The following PAG1 variants were observed in gnomAD, a reference collection of about 807,000 sequenced individuals.
The protein encoded by PAG1 is phosphoprotein membrane anchor with glycosphingolipid microdomains 1.
Under a neutral mutation model 31.7 loss-of-function variants are expected in PAG1, and 23 were observed. That is an observed-to-expected ratio of 0.73 (90% CI 0.52 to 1.03). PAG1 has a LOEUF of 1.03. Among genes scored for constraint, PAG1 ranks in the 50% least tolerant of loss-of-function variants. The probability of loss-of-function intolerance (pLI) is 0.00; values close to 1 mark genes in which losing one functional copy is unlikely to be tolerated. For missense variants in PAG1, 473 were observed against 540.7 expected (o/e 0.87, Z 1.24); for synonymous variants, 214 against 210.3 (o/e 1.02, Z -0.15).
At chr8:81,061,890 C>T (rs1054090523) in intron 2 of PAG1, among the ~76,000 whole-genome samples, 1 of 152,004 alleles carries the variant, frequency 6.6e-6, no homozygotes, top group Non-Finnish European at 1.5e-5. Context: ...TGCTTTCAAC[C>T]TATAAAAGCC....
intron 1 of PAG1, among the ~76,000 whole-genome samples, chr8:81,094,448 A>C (rs1809494698): frequency 6.6e-6 from 1 of 152,194 alleles, no homozygotes; most frequent in Non-Finnish European, 1.5e-5. Context: ...GCCACTTAAG[A>C]AATAAATGAT....
chr8:81,066,176 G>C (rs1809003507), intron 2 of PAG1, among the ~76,000 whole-genome samples: 1 of 152,210 alleles, frequency 6.6e-6, no homozygotes, highest in Non-Finnish European at 1.5e-5. Context: ...CCAGCCTGCT[G>C]TTCCAATAAC....
intron 2 of PAG1, among the ~76,000 whole-genome samples, chr8:81,035,501 G>A (rs1171918716): frequency 6.6e-6 from 1 of 152,202 alleles, no homozygotes; most frequent in Non-Finnish European, 1.5e-5. Context: ...AGATACTACT[G>A]TGGGCGAGGC....
chr8:81,047,528 T>C (rs1008832577), intron 2 of PAG1, among the ~76,000 whole-genome samples: 1 of 152,200 alleles, frequency 6.6e-6, no homozygotes, highest in Non-Finnish European at 1.5e-5. Flanking sequence ...ATGTATACAA[T>C]AATCACTTAA....
chr8:81,009,662 GAGT>G (rs1386658907), intron 3 of PAG1, among the ~76,000 whole-genome samples: 1 of 152,140 alleles, frequency 6.6e-6, no homozygotes, highest in Non-Finnish European at 1.5e-5. Flanking sequence ...ACCCTTGCTG[GAGT>G]ACAGTGGTGT....
intron 1 of PAG1, among the ~76,000 whole-genome samples, chr8:81,104,683 G>A (rs1398451899): frequency 2.6e-5 from 4 of 152,016 alleles, no homozygotes; most frequent in Non-Finnish European, 1.5e-5. Context: ...AGACACCTGG[G>A]AGTCATCCTT....
chr8:80,969,007 T>G lies in PAG1; in HGVS notation c.*7537A>C, dbSNP rs1807021812. Reference sequence around the variant, plus strand: ...TACTCGAAGCAAATAAAAAGATAATTTTTAAAAAGTGTCAAGGTCGCAAGC... The same window carrying G: ...TACTCGAAGCAAATAAAAAGATAATGTTTAAAAAGTGTCAAGGTCGCAAGC... On this transcript the variant is annotated 3_prime_UTR_variant, in exon 9 of 9. Coordinates refer to ENST00000220597, the MANE Select transcript of PAG1 (RefSeq NM_018440.4). The G allele has an allele frequency of 6.6e-6, 1 of 152,128 alleles. No homozygotes were observed. Among genetic ancestry groups the G allele is most frequent in the Non-Finnish European group, 1.5e-5 (1 of 68,042 alleles). 9.4% of individuals were successfully genotyped at this position (152,128 alleles called of 1,614,324 possible). A position where few individuals can be genotyped will look rare whatever the true frequency, so the allele number is the denominator to read the frequency against.
At chr8:81,101,263 C>T (rs9987382) in intron 1 of PAG1, among the ~76,000 whole-genome samples, 13,536 of 152,118 alleles carry the variant, frequency 0.089, 1,096 homozygotes, top group African/African-American at 0.22. Flanking sequence ...AATTCTACCT[C>T]GGACATACTG....
intron 3 of PAG1, among the ~76,000 whole-genome samples, chr8:81,003,840 C>T (rs1586158723): frequency 6.6e-6 from 1 of 152,170 alleles, no homozygotes; most frequent in Non-Finnish European, 1.5e-5. Context: ...AGTTTCAACT[C>T]CCAGAAAGCA....
rs552182751 is a variant in PAG1 at position 81,046,054 on chromosome 8, C to T, written c.-174-15965G>A. On this transcript the variant is annotated intron_variant, in intron 2 of 8. Transcript: ENST00000220597. ...TGTGTCATCAGGGATACTCTTAAGT[C>T]GGTAAATATTAGAGCCGGGAAGGAA... is the stretch of plus-strand genomic sequence containing the variant. 1.2e-4 allele frequency among the ~76,000 whole-genome samples: 19 copies of T among 152,222 alleles called. No individual in the cohort carries two copies. The South Asian group carries it at 1.9e-3, about 15-fold the overall frequency.
At position 80,985,032 on chromosome 8, in the gene PAG1, G is replaced by C. The variant is rs148290167; in HGVS notation, c.620C>G (p.Thr207Ser). Reference protein sequence around the residue: ...EKGHSGKAKSTSASKELPGPQ... With the variant: ...EKGHSGKAKSSSASKELPGPQ... ...CCCTGGGAGCTCTTTCGAGGCAGAA[G>C]TAGATTTTGCCTTGCCACTGTGGCC... The change falls in exon 7 of 9, where the codon ACT (threonine) becomes AGT (serine). Residue 207 changes from threonine to serine, a missense_variant. Physicochemically the swap from Thr to Ser is moderately conservative, Grantham distance 58 (BLOSUM62 1). Coordinates refer to ENST00000220597, the MANE Select transcript of PAG1 (RefSeq NM_018440.4). 97 of 1,614,088 alleles carry C rather than the reference G, an allele frequency of 6.0e-5. No individual in the cohort carries two copies. Among genetic ancestry groups the C allele is most frequent in the Non-Finnish European group, 7.0e-5 (83 of 1,180,056 alleles).
At chr8:80,982,349 G>A (rs1249806032) in intron 7 of PAG1, among the ~76,000 whole-genome samples, 1 of 151,910 alleles carries the variant, frequency 6.6e-6, no homozygotes. Context: ...CGCTGCATTT[G>A]GCAGAGCGGC....
At chr8:81,107,515 G>T (rs1450140044) in intron 1 of PAG1, among the ~76,000 whole-genome samples, 1 of 152,146 alleles carries the variant, frequency 6.6e-6, no homozygotes, top group Non-Finnish European at 1.5e-5. Flanking sequence ...AAGCTCACTA[G>T]TGTCACCGTG....
intron 2 of PAG1, among the ~76,000 whole-genome samples, chr8:81,052,950 G>A (rs905145989): frequency 6.6e-6 from 1 of 152,178 alleles, no homozygotes; most frequent in Non-Finnish European, 1.5e-5. Context: ...AAGACAATGA[G>A]CGGATATTTA....
chr8:80,972,922 T>TACAC lies in PAG1; in HGVS notation c.*3618_*3621dup, dbSNP rs551055678. The TACAC allele has an allele frequency of 1.3e-5, 2 of 149,090 alleles. No individual in the cohort carries two copies. The highest frequency in any genetic ancestry group is 4.3e-4 in the South Asian group (2 of 4,598). 9.2% of individuals were successfully genotyped at this position (149,090 alleles called of 1,614,324 possible). A position where few individuals can be genotyped will look rare whatever the true frequency, so the allele number is the denominator to read the frequency against. On this transcript the variant is annotated 3_prime_UTR_variant, in exon 9 of 9. Transcript: ENST00000220597. ...CAGAGTTGTGTCAGAGCCAAGTATA[T>TACAC]ACACACACACACGTATACGTGTGTG...
At chr8:81,031,205 C>T (rs749692051) in intron 2 of PAG1, among the ~76,000 whole-genome samples, 1 of 152,178 alleles carries the variant, frequency 6.6e-6, no homozygotes, top group African/African-American at 2.4e-5. Context: ...TGAGAAACTG[C>T]TGTCTTTTGT....
intron 5 of PAG1, among the ~76,000 whole-genome samples, chr8:80,988,115 C>T (rs6994020): frequency 2.0e-5 from 3 of 151,820 alleles, no homozygotes; most frequent in African/African-American, 7.3e-5. Flanking sequence ...TCTTCCAAAG[C>T]CATGTGCAGA....
rs765816590 is a variant in PAG1, at chr8:80,976,491, A to C, written c.*53T>G. On this transcript the variant is annotated 3_prime_UTR_variant, in exon 9 of 9. Coordinates refer to ENST00000220597, the MANE Select transcript of PAG1 (RefSeq NM_018440.4). ...TGTGTCACTTCTTCTCTTCCACAGA[A>C]GAAACGTCTCCAGACACTGATCACA... is the stretch of plus-strand genomic sequence containing the variant. 4.6e-6 allele frequency: 7 copies of C among 1,531,910 alleles called. No individual in the cohort carries two copies. The allele number at this position is 1,531,910 out of a possible 1,614,324, so 94.9% of individuals were successfully genotyped here.
At chr8:81,092,717 T>C (rs896223141) in intron 1 of PAG1, among the ~76,000 whole-genome samples, 1 of 152,210 alleles carries the variant, frequency 6.6e-6, no homozygotes, top group South Asian at 2.1e-4. Flanking sequence ...ATAATGAAAA[T>C]TGTTTCTCAA....
Sources: allele counts gnomAD v4.1 joint callset (sites outside exome capture counted in the v4.1 genomes callset), GRCh38; gene constraint gnomAD v4.1.1; transcripts MANE v1.5; gene names NCBI Gene and HGNC (gene_info 2026-07-23, HGNC 2026-07-21).